The following PHF12 variants were observed in gnomAD, a reference collection of about 807,000 sequenced individuals.
PHF12 encodes the protein PHD factor 1.
Under a neutral mutation model 99.8 loss-of-function variants are expected in PHF12, and 6 were observed. That is an observed-to-expected ratio of 0.06 (90% CI 0.03 to 0.12). The LOEUF (loss-of-function observed/expected upper bound fraction) is 0.12. Among genes scored for constraint, PHF12 ranks in the 10% least tolerant of loss-of-function variants. The probability of loss-of-function intolerance (pLI) is 1.00; values close to 1 mark genes in which losing one functional copy is unlikely to be tolerated. For synonymous variants in PHF12, 480 were observed against 514.9 expected, an observed-to-expected ratio of 0.93 and a Z score of 0.92; for missense variants, 954 against 1,300.1, an observed-to-expected ratio of 0.73 and a Z score of 4.09.
intron 2 of PHF12, among the ~76,000 whole-genome samples, chr17:28,948,335 G>A (rs2040752295): frequency 1.3e-5 from 2 of 152,158 alleles, no homozygotes; most frequent in Admixed American, 6.5e-5. Flanking sequence ...GCAACACAAC[G>A]TATATTCAGG....
chr17:28,932,607 C>A (rs1453800703), intron 2 of PHF12, among the ~76,000 whole-genome samples: 3 of 152,190 alleles, frequency 2.0e-5, no homozygotes, highest in African/African-American at 7.2e-5. Context: ...TCACGGTACT[C>A]ATGTACTTAT....
chr17:28,923,245 A>G (rs1567959312), intron 4 of PHF12, among the ~76,000 whole-genome samples: 1 of 152,228 alleles, frequency 6.6e-6, no homozygotes, highest in Non-Finnish European at 1.5e-5. Context: ...TTACCTGTGA[A>G]GAGCAGGAAG....
Position 28,950,822 on chromosome 17 carries a change from C to T in PHF12, c.66+73G>A. On this transcript the variant is annotated intron_variant, in intron 1 of 14. Coordinates refer to ENST00000332830, the MANE Select transcript of PHF12 (RefSeq NM_001033561.2). The surrounding 1 kb of genome is among the most constrained non-coding windows in gnomAD (Gnocchi z 5.7). ...CCATCTAGGCGCTTCGAGTTTAGGA[C>T]TGGCTTTGTGGGGCGGAGGGCGGAG... 1.3e-6 allele frequency: 2 copies of T among 1,590,832 alleles called. No homozygotes were observed. Among genetic ancestry groups the T allele is most frequent in the Non-Finnish European group, 8.6e-7 (1 of 1,166,134 alleles).
At chr17:28,935,935 G>C (rs1408741322) in intron 2 of PHF12, among the ~76,000 whole-genome samples, 1 of 152,176 alleles carries the variant, frequency 6.6e-6, no homozygotes, top group Non-Finnish European at 1.5e-5. Context: ...TGCCTATACT[G>C]ACAGATTTCT....
intron 10 of PHF12, 156 bp downstream of exon 10, chr17:28,910,955 GC>G: frequency 1.4e-5 from 14 of 1,011,148 alleles, no homozygotes; most frequent in East Asian, 2.7e-5. Flanking sequence ...TTTTCACCCC[GC>G]CCCCCCATCC....
At chr17:28,921,943 C>A in intron 4 of PHF12, 135 bp from the exon 5 acceptor site, 2 of 1,206,216 alleles carry the variant, frequency 1.7e-6, no homozygotes, top group Non-Finnish European at 1.1e-6. Flanking sequence ...TCTCTGAGGC[C>A]CCTGGGGTTG....
rs771488572 is a variant in PHF12 at position 28,906,252 on chromosome 17, C to G, written c.2946G>C (p.Gly982=). Reference sequence around the variant, plus strand: ...TGAGAGAGAGCTTCTCGGCCAAGACCCCATCCTGCAGCAGGCTGGCATCGC... The same window carrying G: ...TGAGAGAGAGCTTCTCGGCCAAGACGCCATCCTGCAGCAGGCTGGCATCGC... ...PKGDASLLQD[G]VLAEKLSLKP... Residue 982 remains glycine, a synonymous_variant, in exon 15 of 15, where the codon GGG becomes GGC. Coordinates refer to ENST00000332830, the MANE Select transcript of PHF12 (RefSeq NM_001033561.2). This position sits in a 1 kb window ranked among gnomAD's most constrained non-coding sequence, Gnocchi z 4.2. 1.2e-6 allele frequency: 2 copies of G among 1,613,398 alleles called. No individual in the cohort carries two copies. The highest frequency in any genetic ancestry group is 2.2e-5 in the South Asian group (2 of 91,070).
At chr17:28,920,884 A>AT (rs993899200) in intron 5 of PHF12, among the ~76,000 whole-genome samples, 1 of 147,284 alleles carries the variant, frequency 6.8e-6, no homozygotes, top group African/African-American at 2.5e-5. Flanking sequence ...ATTTTTATTT[A>AT]TTTTTTTGAG....
chr17:28,916,982 G>A (rs974845802), intron 7 of PHF12, among the ~76,000 whole-genome samples: 5 of 152,190 alleles, frequency 3.3e-5, no homozygotes, highest in South Asian at 2.1e-4. Context: ...TAGAATGAGC[G>A]TTAGGTGAGG....
intron 2 of PHF12, among the ~76,000 whole-genome samples, chr17:28,935,237 T>G (rs1029738249): frequency 6.6e-6 from 1 of 152,208 alleles, no homozygotes; most frequent in African/African-American, 2.4e-5. Context: ...AAGCGACCGT[T>G]CACTGCTTTT....
Position 28,951,011 on chromosome 17 carries a change from G to A in PHF12, c.-51C>T, listed in dbSNP as rs753977460. 3 of 1,610,542 alleles carry A rather than the reference G, an allele frequency of 1.9e-6. No individual in the cohort carries two copies. In the South Asian group the frequency reaches 3.3e-5, roughly 18 times the overall value. ...CTCTGCTCCGGCCCCCCCAACCCCGGGGGGAGGGGGGAGGTGAGGGGAGGG... is the reference window on the plus strand; with the variant it reads ...CTCTGCTCCGGCCCCCCCAACCCCGAGGGGAGGGGGGAGGTGAGGGGAGGG... On this transcript the variant is annotated 5_prime_UTR_variant, in exon 1 of 15. Transcript: ENST00000332830.
At chr17:28,917,584 G>C in intron 6 of PHF12, 135 bp from the exon 7 acceptor site, 1 of 927,888 alleles carries the variant, frequency 1.1e-6, no homozygotes, top group South Asian at 1.8e-5. Context: ...CAGGATGTCG[G>C]CACTCTTTGT....
At chr17:28,935,909 C>T (rs576841363) in intron 2 of PHF12, among the ~76,000 whole-genome samples, 17 of 152,300 alleles carry the variant, frequency 1.1e-4, no homozygotes, top group Middle Eastern at 6.8e-3. Context: ...AACATACATC[C>T]CTCAGCTAAC....
Position 28,923,912 on chromosome 17 carries a change from G to A in PHF12, c.712C>T (p.Pro238Ser). 2 of 1,607,056 alleles carry A rather than the reference G, an allele frequency of 1.2e-6. No homozygotes were observed. The highest frequency in any genetic ancestry group is 1.7e-6 in the Non-Finnish European group (2 of 1,176,786). Residue 238 changes from proline to serine, a missense_variant, in exon 4 of 15, where the codon CCA (proline) becomes TCA (serine). Physicochemically the swap from Pro to Ser is moderately conservative, Grantham distance 74. This residue lies in a region of PHF12 where 85 missense variants were observed against 196.6 expected (regional missense o/e 0.43). Transcript: ENST00000332830. ...PNELTCTTALPGSSKRRRKEE... is the reference protein window; with the variant it reads ...PNELTCTTALSGSSKRRRKEE... Reference sequence around the variant, plus strand: ...ATATGATGATGGTTTGGCTGACCTGGTAGTGCAGTGGTACAAGTCAGTTCA... The same window carrying A: ...ATATGATGATGGTTTGGCTGACCTGATAGTGCAGTGGTACAAGTCAGTTCA...
At chr17:28,933,622 C>T (rs1373057633) in intron 2 of PHF12, among the ~76,000 whole-genome samples, 1 of 152,196 alleles carries the variant, frequency 6.6e-6, no homozygotes, top group Non-Finnish European at 1.5e-5. Flanking sequence ...GGGTACCCTC[C>T]TTAACCTCAA....
At chr17:28,914,671 CA>C (rs61203588) in intron 7 of PHF12, among the ~76,000 whole-genome samples, 557 of 30,268 alleles carry the variant, frequency 0.018, no homozygotes, top group African/African-American at 0.031. Flanking sequence ...GACTCCGTCT[CA>C]AAAAAAAAAA....
Position 28,949,988 on chromosome 17 carries a change from A to T in PHF12, c.248+77T>A, listed in dbSNP as rs2040780467. On this transcript the variant is annotated intron_variant, in intron 2 of 14. Coordinates refer to ENST00000332830, the MANE Select transcript of PHF12 (RefSeq NM_001033561.2). This position sits in a 1 kb window ranked among gnomAD's most constrained non-coding sequence, Gnocchi z 4.6. ...GGCTGCAAGCGCCCGTTATTTCGGC[A>T]GTCAGGGGCAGGCCGGGTGAAGGAA... 7.1e-7 allele frequency: 1 copy of T among 1,416,072 alleles called. No individual in the cohort carries two copies. 87.7% of individuals were successfully genotyped at this position (1,416,072 alleles called of 1,614,324 possible).
intron 3 of PHF12, chr17:28,926,590 C>T (rs753768609): frequency 1.3e-4 from 49 of 369,106 alleles, no homozygotes; most frequent in Non-Finnish European, 2.1e-4. Flanking sequence ...AAATCCTCTC[C>T]GTCAGTATGC....
At chr17:28,912,387 G>C (rs1272365585) in intron 9 of PHF12, 95 bp downstream of exon 9, 10 of 1,474,226 alleles carry the variant, frequency 6.8e-6, no homozygotes, top group Admixed American at 2.7e-5. Flanking sequence ...AAAGTCCTCT[G>C]AAGTATTCAC....
Sources: allele counts gnomAD v4.1 joint callset (sites outside exome capture counted in the v4.1 genomes callset), GRCh38; gene constraint gnomAD v4.1.1; regional missense constraint gnomAD v4.1.1; non-coding constraint Gnocchi (gnomAD v3.1); transcripts MANE v1.5; gene names NCBI Gene and HGNC (gene_info 2026-07-23, HGNC 2026-07-21).